GRK5: variants seen among roughly 807,000 people sequenced by gnomAD.
GRK5 encodes g protein-coupled receptor kinase GRK5.
In GRK5, 40 loss-of-function variants were observed where a neutral mutation model predicts 78.4. The ratio of observed to expected loss-of-function variants is 0.51; its 90% CI spans 0.40 to 0.66. The LOEUF is 0.66. GRK5 is among the 30% of genes least tolerant of loss of function. GRK5 has a pLI of 0.00. For synonymous variants in GRK5, 289 were observed against 296.8 expected, an observed-to-expected ratio of 0.97 and a Z score of 0.27; for missense variants, 598 against 759.9, an observed-to-expected ratio of 0.79 and a Z score of 2.50.
chr10:119,415,882 G>T (rs1480910174), intron 4 of GRK5, among the ~76,000 whole-genome samples: 2 of 152,256 alleles, frequency 1.3e-5, no homozygotes, highest in African/African-American at 2.4e-5. Context: ...TGTGCCATGA[G>T]TGGGTTGAAG....
At chr10:119,339,954 C>G (rs1850956450) in intron 2 of GRK5, among the ~76,000 whole-genome samples, 1 of 152,126 alleles carries the variant, frequency 6.6e-6, no homozygotes, top group Non-Finnish European at 1.5e-5. Context: ...CTCCAAAGAG[C>G]TAGGGGCATG....
At chr10:119,357,922 G>A (rs777472060) in intron 2 of GRK5, among the ~76,000 whole-genome samples, 21 of 152,144 alleles carry the variant, frequency 1.4e-4, no homozygotes, top group Non-Finnish European at 2.8e-4. Flanking sequence ...AAGGTGCAGC[G>A]GCAGCCTCCC....
intron 1 of GRK5, among the ~76,000 whole-genome samples, chr10:119,290,307 G>A (rs11198861): frequency 0.52 from 73,944 of 143,244 alleles, 19,192 homozygotes; most frequent in East Asian, 0.76. Flanking sequence ...AGATCATGCC[G>A]CTGCATTCCA....
intron 1 of GRK5, among the ~76,000 whole-genome samples, chr10:119,257,197 G>A (rs1031331128): frequency 3.3e-5 from 5 of 152,192 alleles, no homozygotes; most frequent in African/African-American, 1.2e-4. Flanking sequence ...TCTTTGGGGA[G>A]TGTTCTTATT....
intron 4 of GRK5, among the ~76,000 whole-genome samples, chr10:119,398,586 C>A (rs760652124): frequency 6.6e-6 from 1 of 152,160 alleles, no homozygotes; most frequent in Non-Finnish European, 1.5e-5. Context: ...TCACATGTGT[C>A]CCCCCCAAAC....
chr10:119,282,324 G>A (rs902823983), intron 1 of GRK5, among the ~76,000 whole-genome samples: 3 of 152,188 alleles, frequency 2.0e-5, no homozygotes, highest in Non-Finnish European at 4.4e-5. Context: ...GTTCCTCCTG[G>A]AGCTCCAGAC....
In GRK5 at chr10:119,448,193, C is replaced by A; in HGVS notation, c.1337C>A (p.Pro446His). The A allele has an allele frequency of 6.3e-7, 1 of 1,591,600 alleles. No homozygotes were observed. The highest frequency in any genetic ancestry group is 8.5e-7 in the Non-Finnish European group (1 of 1,170,678). ...EEGAAEVKRH[P>H]FFRNMNFKRL... ...GGGGCTGCAGAGGTCAAGAGACACC[C>A]CTTCTTCAGGAACATGAACTTCAAG... Residue 446 changes from proline to histidine, a missense_variant, in exon 13 of 16, where the codon CCC becomes CAC. Coordinates refer to ENST00000392870, the MANE Select transcript of GRK5 (RefSeq NM_005308.3).
intron 2 of GRK5, among the ~76,000 whole-genome samples, chr10:119,334,171 C>T (rs141577544): frequency 3.0e-4 from 45 of 152,304 alleles, no homozygotes; most frequent in African/African-American, 1.1e-3. Context: ...CCAGCTGCAG[C>T]GGCGCAAGCC....
chr10:119,346,255 C>T (rs955808198), intron 2 of GRK5, among the ~76,000 whole-genome samples: 3 of 152,208 alleles, frequency 2.0e-5, no homozygotes, highest in Non-Finnish European at 4.4e-5. Flanking sequence ...ATCGCCGCAG[C>T]GGGGCCGAGG....
rs1344949898 is a variant in GRK5, at chr10:119,455,265, C to T, written c.*198C>T. 1 of 699,914 alleles carries T rather than the reference C, an allele frequency of 1.4e-6. No individual in the cohort carries two copies. The highest frequency in any genetic ancestry group is 2.6e-6 in the Non-Finnish European group (1 of 383,766). 43.4% of individuals were successfully genotyped at this position (699,914 alleles called of 1,614,324 possible). ...CACTCAGGTCTGTTTTCCGAGGCGG[C>T]CCCGGCCGGGGTGGATTGGATTTGT... On this transcript the variant is annotated 3_prime_UTR_variant, in exon 16 of 16. Transcript: ENST00000392870.
chr10:119,271,588 G>A lies in GRK5; in HGVS notation c.53-54928G>A, dbSNP rs1301756811. On this transcript the variant is annotated intron_variant, in intron 1 of 15. Transcript: ENST00000392870. This position sits in a 1 kb window ranked among gnomAD's most constrained non-coding sequence, Gnocchi z 4.1. ...GAACCTGAAGACCTTGGATGGTCCG[G>A]AGCTCGTAAATGACTCACCCCATCA... Among the ~76,000 whole-genome samples the A allele has an allele frequency of 6.6e-6, 1 of 152,186 alleles. No individual in the cohort carries two copies. Among genetic ancestry groups the A allele is most frequent in the Non-Finnish European group, 1.5e-5 (1 of 68,026 alleles).
Position 119,452,274 on chromosome 10 carries a change from G to A in GRK5, c.1405-397G>A, listed in dbSNP as rs1302978213. On this transcript the variant is annotated intron_variant, in intron 13 of 15. Transcript: ENST00000392870. The surrounding 1 kb of genome is among the most constrained non-coding windows in gnomAD (Gnocchi z 4.4). The stretch of plus-strand genomic sequence containing the variant: ...CCCAAAGTTCCTAAGCCCCACAGCT[G>A]GGACTCTAGCCCACGTCTGTCCAGT... Among the ~76,000 whole-genome samples, 1 of 152,196 alleles carries A rather than the reference G, an allele frequency of 6.6e-6. No individual in the cohort carries two copies. The highest frequency in any genetic ancestry group is 1.9e-4 in the East Asian group (1 of 5,192).
Position 119,215,593 on chromosome 10 carries a change from C to T in GRK5, c.52+7624C>T, listed in dbSNP as rs191885619. ...GGGGTTGGGAGTTGGGACTGACTCACCTAAGAGGAAATTCAGGTCAGGGAC... is the reference window on the plus strand; with the variant it reads ...GGGGTTGGGAGTTGGGACTGACTCATCTAAGAGGAAATTCAGGTCAGGGAC... On this transcript the variant is annotated intron_variant, in intron 1 of 15. Transcript: ENST00000392870. Among the ~76,000 whole-genome samples the T allele has an allele frequency of 2.0e-5, 3 of 150,582 alleles. No individual in the cohort carries two copies. The East Asian group carries it at 5.9e-4, about 30-fold the overall frequency.
intron 2 of GRK5, among the ~76,000 whole-genome samples, chr10:119,335,701 C>G (rs1222858616): frequency 2.6e-5 from 4 of 152,226 alleles, no homozygotes; most frequent in Non-Finnish European, 5.9e-5. Flanking sequence ...CTAACAGATA[C>G]TTGTTAAGCT....
At chr10:119,261,347 C>G (rs1404005076) in intron 1 of GRK5, among the ~76,000 whole-genome samples, 1 of 146,948 alleles carries the variant, frequency 6.8e-6, no homozygotes, top group Non-Finnish European at 1.5e-5. Context: ...GGATGGCGGC[C>G]GGGAAGAGGC....
At chr10:119,307,890 T>G (rs1476068379) in intron 1 of GRK5, among the ~76,000 whole-genome samples, 2 of 152,138 alleles carry the variant, frequency 1.3e-5, no homozygotes, top group Non-Finnish European at 2.9e-5. Flanking sequence ...CTAGGAAGCC[T>G]TTTAAAGCCC....
intron 2 of GRK5, among the ~76,000 whole-genome samples, chr10:119,353,728 A>G (rs1414024780): frequency 6.6e-6 from 1 of 152,188 alleles, no homozygotes; most frequent in Non-Finnish European, 1.5e-5. Context: ...GAGGTCCCAG[A>G]CCAGCTACCT....
chr10:119,352,158 T>C (rs1851195360), intron 2 of GRK5, among the ~76,000 whole-genome samples: 1 of 152,182 alleles, frequency 6.6e-6, no homozygotes, highest in Non-Finnish European at 1.5e-5. Flanking sequence ...TTTTTCCTCA[T>C]ATAAATAAAA....
At chr10:119,362,256 TGTAA>T (rs1851377275) in intron 2 of GRK5, among the ~76,000 whole-genome samples, 1 of 152,192 alleles carries the variant, frequency 6.6e-6, no homozygotes, top group Non-Finnish European at 1.5e-5. Context: ...TCCTGTCCCT[TGTAA>T]GTAAGTCAGT....
Sources: allele counts gnomAD v4.1 joint callset (sites outside exome capture counted in the v4.1 genomes callset), GRCh38; gene constraint gnomAD v4.1.1; non-coding constraint Gnocchi (gnomAD v3.1); transcripts MANE v1.5; gene names NCBI Gene and HGNC (gene_info 2026-07-23, HGNC 2026-07-21).